TMEM87A: variants seen among roughly 807,000 people sequenced by gnomAD.
TMEM87A encodes the protein Golgi-pH regulating cation channel.
Under a neutral mutation model 90.0 loss-of-function variants are expected in TMEM87A, and 50 were observed. That is an observed-to-expected ratio of 0.56 (90% confidence interval 0.44 to 0.70). TMEM87A has a LOEUF of 0.70. TMEM87A is among the 30% of genes least tolerant of loss of function. The pLI is 0.00. For synonymous variants in TMEM87A, 226 were observed against 226.7 expected (o/e 1.00, Z 0.03); for missense variants, 577 against 660.5 (o/e 0.87, Z 1.39).
chr15:42,235,989 G>A (rs967010370), intron 10 of TMEM87A, among the ~76,000 whole-genome samples: 1 of 150,252 alleles, frequency 6.7e-6, no homozygotes, highest in African/African-American at 2.5e-5. Context: ...GCAAGAATGC[G>A]TTTCCCATAA....
intron 15 of TMEM87A, among the ~76,000 whole-genome samples, chr15:42,223,020 CA>C (rs1169166282): frequency 1.3e-5 from 2 of 152,136 alleles, no homozygotes; most frequent in Non-Finnish European, 2.9e-5. Context: ...GCATAAAAAT[CA>C]TAAGATTATT....
chr15:42,258,726 C>T, intron 6 of TMEM87A: 1 of 1,381,392 alleles, frequency 7.2e-7, no homozygotes, highest in Non-Finnish European at 9.4e-7. Context: ...TGTACCCAGT[C>T]CTAATGGCTA....
At chr15:42,233,695 A>G (rs899687157) in intron 10 of TMEM87A, among the ~76,000 whole-genome samples, 1 of 152,184 alleles carries the variant, frequency 6.6e-6, no homozygotes, top group African/African-American at 2.4e-5. Flanking sequence ...TAGACAGTAT[A>G]TCTTTGATAT....
rs534489427 is a variant in TMEM87A at position 42,262,306 on chromosome 15, T to C, written c.406-1057A>G. On this transcript the variant is annotated intron_variant, in intron 4 of 19. Transcript: ENST00000389834. ...AAACTACACAACATCACATTGCTTCTAGCTTTCTCTACCATTCTTTCACCA... is the reference window on the plus strand; with the variant it reads ...AAACTACACAACATCACATTGCTTCCAGCTTTCTCTACCATTCTTTCACCA... 2.0e-5 allele frequency: 3 copies of C among 152,354 alleles called. No individual in the cohort carries two copies. The South Asian group carries it at 6.2e-4, about 32-fold the overall frequency. The allele number at this position is 152,354 out of a possible 1,614,324, so 9.4% of individuals were successfully genotyped here.
intron 7 of TMEM87A, 108 bp downstream of exon 7, chr15:42,243,942 G>T: frequency 1.7e-6 from 1 of 586,872 alleles, no homozygotes. Context: ...GTCAAATGAA[G>T]GAAATAGAAA....
chr15:42,251,278 C>T (rs966125738), intron 6 of TMEM87A, among the ~76,000 whole-genome samples: 2 of 152,188 alleles, frequency 1.3e-5, no homozygotes, highest in Non-Finnish European at 2.9e-5. Context: ...CAGCTTTGTT[C>T]CGTTGCTCGC....
intron 12 of TMEM87A, 22 bp downstream of exon 12, chr15:42,231,170 A>G: frequency 3.1e-6 from 5 of 1,590,842 alleles, no homozygotes; most frequent in Non-Finnish European, 4.3e-6. Context: ...ACCATCATCA[A>G]ACAAGCCAAT....
intron 9 of TMEM87A, among the ~76,000 whole-genome samples, chr15:42,237,213 TTG>T (rs2050785476): frequency 6.6e-6 from 1 of 152,322 alleles, no homozygotes; most frequent in African/African-American, 2.4e-5. Context: ...GTCACTACTG[TTG>T]TGACTTTTGT....
At chr15:42,231,483 C>T (rs1003124157) in intron 11 of TMEM87A, among the ~76,000 whole-genome samples, 3 of 152,122 alleles carry the variant, frequency 2.0e-5, no homozygotes, top group East Asian at 1.9e-4. Context: ...TTTACAATCT[C>T]GAAACATACT....
At chr15:42,265,568 ATTTG>A (rs1234120681) in intron 3 of TMEM87A, among the ~76,000 whole-genome samples, 3 of 152,044 alleles carry the variant, frequency 2.0e-5, no homozygotes, top group East Asian at 3.9e-4. Flanking sequence ...TTGCATATAA[ATTTG>A]TTTAAGTTCC....
At chr15:42,272,988 A>G (rs1950481671) in intron 1 of TMEM87A, 5 of 625,928 alleles carry the variant, frequency 8.0e-6, no homozygotes, top group South Asian at 7.7e-5. Flanking sequence ...CAAGTCAGGC[A>G]CTGAAAGTTC....
At chr15:42,244,188 C>T (rs964341735) in intron 6 of TMEM87A, 21 bp from the exon 7 acceptor site, 2 of 1,463,350 alleles carry the variant, frequency 1.4e-6, no homozygotes, top group Non-Finnish European at 1.8e-6. Context: ...AAAAGGGCAT[C>T]ACATCTATAA....
At chr15:42,258,431 TTTTC>T in intron 6 of TMEM87A, 1 of 679,692 alleles carries the variant, frequency 1.5e-6, no homozygotes, top group Non-Finnish European at 1.8e-6. Flanking sequence ...TGAATATCTT[TTTTC>T]TTTTTTTTTT....
At chr15:42,233,192 A>T in intron 11 of TMEM87A, 21 bp downstream of exon 11, 7 of 1,583,968 alleles carry the variant, frequency 4.4e-6, no homozygotes, top group Non-Finnish European at 6.1e-6. Flanking sequence ...ACCACAGAAA[A>T]TGAGATTAAG....
intron 15 of TMEM87A, among the ~76,000 whole-genome samples, chr15:42,222,785 C>G (rs1425371786): frequency 6.6e-6 from 1 of 152,040 alleles, no homozygotes; most frequent in African/African-American, 2.4e-5. Flanking sequence ...GTCTCGAACT[C>G]CTGACCTCAG....
At chr15:42,234,312 A>G (rs796601809) in intron 10 of TMEM87A, among the ~76,000 whole-genome samples, 1 of 152,284 alleles carries the variant, frequency 6.6e-6, no homozygotes, top group African/African-American at 2.4e-5. Context: ...TGTTAACAAA[A>G]TCCTTAGGTG....
rs1362918604 is a variant in TMEM87A at position 42,244,051 on chromosome 15, G to C, written c.621C>G (p.Thr207=). ...SKENSLSNLF[T]MTVEVKGPYE... ...CATTAAAAAAAAAACTGAACTTACT[G>C]GTAAAAAGATTACTCAGTGAATTTT... The change falls in exon 7 of 20, where the codon ACC becomes ACG. Residue 207 remains threonine (T), a splice_region_variant and synonymous_variant. Transcript: ENST00000389834. The C allele has an allele frequency of 2.6e-6, 4 of 1,542,826 alleles. No individual in the cohort carries two copies. The African/African-American group carries it at 4.2e-5, about 16-fold the overall frequency.
At chr15:42,268,926 T>C (rs1328138565) in intron 2 of TMEM87A, among the ~76,000 whole-genome samples, 1 of 152,000 alleles carries the variant, frequency 6.6e-6, no homozygotes, top group Non-Finnish European at 1.5e-5. Flanking sequence ...TTGAAAGATA[T>C]CAAGATAGAA....
At chr15:42,228,850 A>G (rs958513310) in intron 12 of TMEM87A, 30 bp from the exon 13 acceptor site, 1 of 1,483,250 alleles carries the variant, frequency 6.7e-7, no homozygotes. Context: ...TTCAACATTC[A>G]GGAAAAAACA....
Sources: gnomAD v4.1 joint callset for allele counts (sites outside exome capture counted in the v4.1 genomes callset) on GRCh38, gnomAD v4.1.1 for gene constraint, MANE v1.5 for transcripts, NCBI Gene and HGNC (gene_info 2026-07-23, HGNC 2026-07-21) for gene names.